APP: variants seen among roughly 807,000 people sequenced by gnomAD.
APP encodes the protein amyloid beta precursor protein.
A neutral mutation model predicts 101.4 loss-of-function variants in APP; 31 were observed. The ratio of observed to expected loss-of-function variants is 0.31; its 90% confidence interval spans 0.23 to 0.41. APP has a LOEUF of 0.41. APP is among the 10% of genes least tolerant of loss of function. The pLI is 1.00. For synonymous variants in APP, 366 were observed against 364.4 expected, an observed-to-expected ratio of 1.00 and a Z score of -0.05; for missense variants, 839 against 1,003.7, an observed-to-expected ratio of 0.84 and a Z score of 2.22.
chr21:26,144,147 GAACT>G (rs1435512203), intron 1 of APP, among the ~76,000 whole-genome samples: 1 of 152,104 alleles, frequency 6.6e-6, no homozygotes, highest in African/African-American at 2.4e-5. Flanking sequence ...GTTCTCGTGA[GAACT>G]AACTCACTAT....
At chr21:26,095,003 A>G (rs183148762) in intron 2 of APP, among the ~76,000 whole-genome samples, 104 of 152,000 alleles carry the variant, frequency 6.8e-4, no homozygotes, top group African/African-American at 2.4e-3. Flanking sequence ...CCACTACCAC[A>G]CCCGGCTAAT....
At position 25,969,292 on chromosome 21, in the gene APP, G is replaced by A. The variant is rs147826079; in HGVS notation, c.1458+5778C>T. Among the ~76,000 whole-genome samples, 853 of 139,332 alleles carry A rather than the reference G, an allele frequency of 6.1e-3. 5 individuals are homozygous for A. Among genetic ancestry groups the A allele is most frequent in the African/African-American group, 0.022 (814 of 37,484 alleles). The allele number at this position is 139,332 out of a possible 152,430, so 91.4% of individuals were successfully genotyped here. A position where few individuals can be genotyped will look rare whatever the true frequency, so the allele number is the denominator to read the frequency against. On this transcript the variant is annotated intron_variant, in intron 11 of 17. Coordinates refer to ENST00000346798, the MANE Select transcript of APP (RefSeq NM_000484.4). ...GAACCCAGAAGGCGGAGCTTGCAGTGAGCCAAGATCACGCCACTGCACTCC... is the reference window on the plus strand; with the variant it reads ...GAACCCAGAAGGCGGAGCTTGCAGTAAGCCAAGATCACGCCACTGCACTCC...
chr21:25,981,802 G>C (rs2042442420), intron 9 of APP, among the ~76,000 whole-genome samples: 1 of 147,614 alleles, frequency 6.8e-6, no homozygotes, highest in African/African-American at 2.5e-5. Flanking sequence ...TGTTGTCTCT[G>C]GCTCACTGAT....
chr21:26,169,543 AAGGACTTTACAGCCCAGCAC>A (rs1388840072), intron 1 of APP: 3 of 153,014 alleles, frequency 2.0e-5, no homozygotes, highest in Non-Finnish European at 2.9e-5. Context: ...CCTCCCCGCC[AAGGACTTTACAGCCCAGCAC>A]AGAATTAAGC....
intron 16 of APP, among the ~76,000 whole-genome samples, chr21:25,896,413 A>G (rs1569021251): frequency 7.0e-6 from 1 of 143,680 alleles, no homozygotes; most frequent in Non-Finnish European, 1.6e-5. Context: ...GGAAAAAAGT[A>G]ACACTCACAC....
In APP at chr21:26,157,138, C is replaced by T. The variant is rs575267220; in HGVS notation, c.57+13426G>A. On this transcript the variant is annotated intron_variant, in intron 1 of 17. Coordinates refer to ENST00000346798, the MANE Select transcript of APP (RefSeq NM_000484.4). ...AGGCTGGAATGCAGTGGTATGATCT[C>T]GGCTCACTGCAACCTCCGCCTCCTG... Among the ~76,000 whole-genome samples, 14 of 152,078 alleles carry T rather than the reference C, an allele frequency of 9.2e-5. 1 individual carries two copies. The South Asian group carries it at 2.7e-3, about 29-fold the overall frequency.
intron 8 of APP, among the ~76,000 whole-genome samples, chr21:25,991,658 G>A (rs1054260141): frequency 3.3e-5 from 5 of 152,178 alleles, no homozygotes; most frequent in South Asian, 2.1e-4. Context: ...GATTACAGGC[G>A]TGAGCCACTG....
intron 3 of APP, among the ~76,000 whole-genome samples, chr21:26,074,491 C>G (rs893763116): frequency 2.6e-5 from 4 of 152,214 alleles, no homozygotes; most frequent in Non-Finnish European, 5.9e-5. Context: ...CGTGGTGGCT[C>G]ACGCCTGTAA....
intron 1 of APP, among the ~76,000 whole-genome samples, chr21:26,154,400 T>C (rs959078076): frequency 6.6e-6 from 1 of 152,196 alleles, no homozygotes; most frequent in African/African-American, 2.4e-5. Flanking sequence ...CCCCCATTCC[T>C]ATTCCAACAG....
At chr21:26,106,914 T>C (rs2146188650) in intron 2 of APP, among the ~76,000 whole-genome samples, 3 of 152,290 alleles carry the variant, frequency 2.0e-5, no homozygotes, top group Middle Eastern at 3.4e-3. Flanking sequence ...GGGTCAACAA[T>C]GACCTTCTAT....
At chr21:26,025,274 G>A (rs1166814750) in intron 5 of APP, among the ~76,000 whole-genome samples, 1 of 152,220 alleles carries the variant, frequency 6.6e-6, no homozygotes, top group Non-Finnish European at 1.5e-5. Flanking sequence ...AAGATGACCT[G>A]ATGCATGTCA....
chr21:25,947,139 A>G (rs2040859253), intron 13 of APP, among the ~76,000 whole-genome samples: 1 of 152,234 alleles, frequency 6.6e-6, no homozygotes, highest in South Asian at 2.1e-4. Context: ...ATTACATGTG[A>G]ATTTTTAAAG....
intron 13 of APP, chr21:25,928,805 C>T (rs1349789616): frequency 7.2e-6 from 1 of 138,560 alleles, no homozygotes. Flanking sequence ...CCAGGTTGGA[C>T]TGCAGAGGCG....
intron 10 of APP, 114 bp downstream of exon 10, chr21:25,975,840 T>C (rs1043601565): frequency 2.5e-5 from 21 of 835,252 alleles, no homozygotes; most frequent in East Asian, 2.0e-4. Flanking sequence ...CTGAAGTTCA[T>C]GGGACTATGA....
chr21:26,042,658 T>G (rs1388479526), intron 5 of APP, among the ~76,000 whole-genome samples: 3 of 152,194 alleles, frequency 2.0e-5, no homozygotes, highest in Non-Finnish European at 4.4e-5. Context: ...TCTCAACACT[T>G]TGGGAGGCCC....
Position 26,136,188 on chromosome 21 carries a change from A to AG in APP, c.58-24043dup, listed in dbSNP as rs369310996. Reference sequence around the variant, plus strand: ...AGAAAGAAAAGAAAGAAAGAAAGAAAGAAAGAAAGAAAGAAAAGAAAAGAA... The same window carrying AG: ...AGAAAGAAAAGAAAGAAAGAAAGAAAGGAAAGAAAGAAAGAAAAGAAAAGAA... On this transcript the variant is annotated intron_variant, in intron 1 of 17. Coordinates refer to ENST00000346798, the MANE Select transcript of APP (RefSeq NM_000484.4). Among the ~76,000 whole-genome samples the AG allele has an allele frequency of 6.0e-4, 46 of 76,372 alleles. 1 individual carries two copies. Among genetic ancestry groups the AG allele is most frequent in the Admixed American group, 1.0e-3 (7 of 7,004 alleles). 50.1% of individuals were successfully genotyped at this position (76,372 alleles called of 152,430 possible).
chr21:26,100,293 T>C (rs1006461997), intron 2 of APP, among the ~76,000 whole-genome samples: 2 of 152,182 alleles, frequency 1.3e-5, no homozygotes, highest in Non-Finnish European at 1.5e-5. Context: ...ATAAAATATA[T>C]CCACATATAG....
chr21:25,887,538 A>ACC (rs1555888098), intron 17 of APP, among the ~76,000 whole-genome samples: 1 of 145,564 alleles, frequency 6.9e-6, no homozygotes, highest in African/African-American at 2.5e-5. Context: ...AAAAAAAAAA[A>ACC]AACAACAACT....
chr21:26,084,340 G>A (rs2061661145), intron 3 of APP, among the ~76,000 whole-genome samples: 2 of 142,768 alleles, frequency 1.4e-5, no homozygotes, highest in Non-Finnish European at 3.0e-5. Flanking sequence ...CCGGGTTCAC[G>A]CCATTCTCCT....
Sources: allele counts gnomAD v4.1 joint callset (sites outside exome capture counted in the v4.1 genomes callset), GRCh38; gene constraint gnomAD v4.1.1; transcripts MANE v1.5; gene names NCBI Gene and HGNC (gene_info 2026-07-23, HGNC 2026-07-21).